UBN2: variants seen among roughly 807,000 people sequenced by gnomAD.
UBN2 encodes the protein ubinuclein 2.
UBN2 carries 35 observed loss-of-function variants against 120.2 expected under a neutral mutation model. That is an observed-to-expected ratio of 0.29 (90% CI 0.22 to 0.39). The LOEUF is 0.39. Among genes scored for constraint, UBN2 ranks in the 10% least tolerant of loss-of-function variants. The pLI is 1.00. For missense variants in UBN2, 1,693 were observed against 1,663.2 expected, an observed-to-expected ratio of 1.02 and a Z score of -0.31; for synonymous variants, 661 against 648.7, an observed-to-expected ratio of 1.02 and a Z score of -0.29.
chr7:139,303,141 A>G lies in UBN2; in HGVS notation c.*5305A>G, dbSNP rs1302578267. ...AAACTCAGAAGTAGAAAGACTTCAG[A>G]TGCTGAGGAAAACATATAATCTATA... On this transcript the variant is annotated 3_prime_UTR_variant, in exon 18 of 18. Transcript: ENST00000473989. 2.0e-5 allele frequency: 3 copies of G among 152,264 alleles called. No homozygotes were observed. The allele number at this position is 152,264 out of a possible 1,614,324, so 9.4% of individuals were successfully genotyped here. A position where few individuals can be genotyped will look rare whatever the true frequency, so the allele number is the denominator to read the frequency against.
chr7:139,316,077 C>CAAAAA, the UBN2 span, among the ~76,000 whole-genome samples: 139 of 14,148 alleles, frequency 9.8e-3, 35 homozygotes, highest in African/African-American at 0.022. Context: ...GACTTCGTCT[C>CAAAAA]AAAAAAAAAA....
intron 12 of UBN2, among the ~76,000 whole-genome samples, chr7:139,278,124 A>G (rs1222045303): frequency 6.6e-6 from 1 of 151,288 alleles, no homozygotes; most frequent in Admixed American, 6.6e-5. Context: ...CAAATAATGC[A>G]TTCCTTTAAT....
intron 3 of UBN2, among the ~76,000 whole-genome samples, chr7:139,252,418 C>G (rs2130961289): frequency 6.6e-6 from 1 of 152,244 alleles, no homozygotes; most frequent in East Asian, 1.9e-4. Context: ...TAGATAATAC[C>G]TAAAGAATTA....
In UBN2 at chr7:139,293,279, C is replaced by G. The variant is rs773682311; in HGVS notation, c.3717C>G (p.Leu1239=). 5.0e-6 allele frequency: 8 copies of G among 1,614,102 alleles called. No individual in the cohort carries two copies. In the South Asian group the frequency reaches 7.7e-5, roughly 16 times the overall value. ...TGGCTAATGCCTCACCTCTGACTCT[C>G]ATGACATCACCTTTGTCTGTAACAA... The part of the protein sequence containing the change: ...SLLANASPLT[L]MTSPLSVTNQ... Residue 1239 remains leucine (L), a synonymous_variant, in exon 16 of 18, where the codon CTC becomes CTG. Transcript: ENST00000473989.
chr7:139,264,228 CAT>C (rs1321769720), intron 6 of UBN2, among the ~76,000 whole-genome samples: 1 of 152,178 alleles, frequency 6.6e-6, no homozygotes, highest in East Asian at 1.9e-4. Flanking sequence ...TTATTCACTA[CAT>C]GTTTGGCTTT....
At position 139,272,382 on chromosome 7, in the gene UBN2, G is replaced by C; in HGVS notation, c.1657G>C (p.Glu553Gln). The C allele has an allele frequency of 6.2e-7, 1 of 1,613,958 alleles. No individual in the cohort carries two copies. Among genetic ancestry groups the C allele is most frequent in the Non-Finnish European group, 8.5e-7 (1 of 1,179,970 alleles). ...LKLAVSNVMP[E>Q]QLFKYQEDCQ... Reference sequence around the variant, plus strand: ...ACTGGCTGTTAGCAATGTCATGCCTGAACAGCTATTTAAATACCAGGAGGA... The same window carrying C: ...ACTGGCTGTTAGCAATGTCATGCCTCAACAGCTATTTAAATACCAGGAGGA... Residue 553 changes from glutamate to glutamine, a missense_variant, in exon 9 of 18, where the codon GAA becomes CAA. Glu to Gln is a conservative substitution (Grantham distance 29, BLOSUM62 2). Coordinates refer to ENST00000473989, the MANE Select transcript of UBN2 (RefSeq NM_173569.4).
intron 8 of UBN2, 124 bp downstream of exon 8, chr7:139,269,647 G>A: frequency 9.5e-7 from 1 of 1,049,586 alleles, no homozygotes; most frequent in African/African-American, 1.6e-5. Flanking sequence ...AATAACCATA[G>A]GAGGTTATTA....
At chr7:139,276,172 G>C (rs1327486585) in intron 12 of UBN2, 25 bp downstream of exon 12, 4 of 1,607,544 alleles carry the variant, frequency 2.5e-6, no homozygotes, top group Non-Finnish European at 3.4e-6. Context: ...ACTCCAGATT[G>C]CTTCATTTAT....
chr7:139,282,159 A>C, intron 14 of UBN2, 104 bp downstream of exon 14: 2 of 902,968 alleles, frequency 2.2e-6, no homozygotes. Flanking sequence ...ACTTTTATGT[A>C]ATAGGCTTTT....
Position 139,306,575 on chromosome 7 carries a change from A to T in UBN2, c.*8739A>T, listed in dbSNP as rs181779969. 8.5e-5 allele frequency: 13 copies of T among 152,332 alleles called. No individual in the cohort carries two copies. The highest frequency in any genetic ancestry group is 3.1e-4 in the African/African-American group (13 of 41,572). The allele number at this position is 152,332 out of a possible 1,614,324, so 9.4% of individuals were successfully genotyped here. ...TAATCAATGGGCCTTTCCCCATTAG[A>T]GGTAGGTTCCCAGCCTACAAGTATT... On this transcript the variant is annotated 3_prime_UTR_variant, in exon 18 of 18. Transcript: ENST00000473989.
intron 2 of UBN2, among the ~76,000 whole-genome samples, chr7:139,242,290 T>C (rs1210654691): frequency 6.6e-6 from 1 of 152,156 alleles, no homozygotes; most frequent in Non-Finnish European, 1.5e-5. Context: ...ACTCATATTA[T>C]TTTAGTTGAT....
chr7:139,329,052 C>T, the UBN2 span, among the ~76,000 whole-genome samples: 2 of 151,756 alleles, frequency 1.3e-5, no homozygotes, highest in Non-Finnish European at 2.9e-5. Flanking sequence ...TTGAGACCAA[C>T]CTGGGAAACA....
At chr7:139,329,207 A>G in the UBN2 span, among the ~76,000 whole-genome samples, 5 of 150,062 alleles carry the variant, frequency 3.3e-5, no homozygotes, top group African/African-American at 9.8e-5. Flanking sequence ...TTTTTTTTCA[A>G]AAATAAGACT....
At chr7:139,292,337 A>T (rs1797985731) in intron 15 of UBN2, among the ~76,000 whole-genome samples, 1 of 152,120 alleles carries the variant, frequency 6.6e-6, no homozygotes, top group Non-Finnish European at 1.5e-5. Context: ...CATATTTCTT[A>T]TTTATTTTTT....
At chr7:139,296,440 C>T (rs1028280877) in intron 17 of UBN2, among the ~76,000 whole-genome samples, 1 of 152,134 alleles carries the variant, frequency 6.6e-6, no homozygotes, top group Non-Finnish European at 1.5e-5. Context: ...TTCCTTTTCA[C>T]CTGTGTATTT....
At chr7:139,259,506 A>T (rs1796867299) in intron 5 of UBN2, 136 bp downstream of exon 5, 9 of 1,191,866 alleles carry the variant, frequency 7.6e-6, no homozygotes, top group Non-Finnish European at 1.0e-5. Context: ...TTAGTGACTT[A>T]TGTTTAATAG....
chr7:139,293,833 C>T, intron 16 of UBN2, 56 bp from the exon 17 acceptor site: 1 of 1,543,290 alleles, frequency 6.5e-7, no homozygotes. Context: ...CATTTTTGAA[C>T]TAAAAGGGCT....
At position 139,276,128 on chromosome 7, in the gene UBN2, A is replaced by C; in HGVS notation, c.2005A>C (p.Asn669His). ...MLFKESRSVH[N>H]HLTSAPAKKK... ...TTTTAAGGAAAGCCGGAGTGTTCAT[A>C]ATCATCTTACTTCTGCTCCGTGAGT... The change falls in exon 12 of 18, where the codon AAT (asparagine) becomes CAT (histidine). Residue 669 changes from asparagine to histidine, a missense_variant. Asn to His is a moderately conservative substitution (Grantham distance 68). Transcript: ENST00000473989. 1 of 1,613,674 alleles carries C rather than the reference A, an allele frequency of 6.2e-7. No homozygotes were observed. Among genetic ancestry groups the C allele is most frequent in the Non-Finnish European group, 8.5e-7 (1 of 1,179,898 alleles).
At chr7:139,319,892 T>C in the UBN2 span, among the ~76,000 whole-genome samples, 4,005 of 152,066 alleles carry the variant, frequency 0.026, 156 homozygotes, top group African/African-American at 0.09. Flanking sequence ...CTGGCTAACA[T>C]GGTGAAACCC....
Sources: gnomAD v4.1 joint callset for allele counts (sites outside exome capture counted in the v4.1 genomes callset) on GRCh38, gnomAD v4.1.1 for gene constraint, MANE v1.5 for transcripts, NCBI Gene and HGNC (gene_info 2026-07-23, HGNC 2026-07-21) for gene names.